USP29: variants seen among roughly 807,000 people sequenced by gnomAD.
The protein encoded by USP29 is ubiquitin specific peptidase 29.
For synonymous variants in USP29, 386 were observed against 387.4 expected (o/e 1.00, Z 0.04); for missense variants, 1,102 against 1,069.0 (o/e 1.03, Z -0.43).
chr19:57,123,861 A>G (rs2086809895), intron 2 of USP29, among the ~76,000 whole-genome samples, 178 bp from the exon 3 acceptor site: 1 of 152,218 alleles, frequency 6.6e-6, no homozygotes, highest in Admixed American at 6.5e-5. Flanking sequence ...AGATAATCCC[A>G]TTAACACAGG....
intron 3 of USP29, among the ~76,000 whole-genome samples, chr19:57,125,845 G>A (rs553030740): frequency 7.2e-5 from 11 of 152,222 alleles, no homozygotes; most frequent in Non-Finnish European, 1.2e-4. Flanking sequence ...AGTTGATGCA[G>A]TTTCTTCTGT....
rs757418107 is a variant in USP29, at chr19:57,128,807, T to C, written c.132T>C (p.Ser44=). 6.2e-6 allele frequency: 10 copies of C among 1,614,068 alleles called. No individual in the cohort carries two copies. ...KEIKLVVTFK[S]GKFIRIFQLS... ...TTAAACTGGTGGTCACTTTCAAATCTGGAAAATTTATAAGAATTTTTCAGC... is the reference window on the plus strand; with the variant it reads ...TTAAACTGGTGGTCACTTTCAAATCCGGAAAATTTATAAGAATTTTTCAGC... The change falls in exon 4 of 4, where the codon TCT becomes TCC. Residue 44 remains serine, a synonymous_variant. Transcript: ENST00000254181.
rs758363351 is a variant in USP29 at position 57,128,915 on chromosome 19, G to A, written c.240G>A (p.Val80=). ...TGCGTTTAACTTTGAAAAACAACGT[G>A]TTCTTGTTTATTGACAAATTATCCT... ...SHLRLTLKNN[V]FLFIDKLSYR... is the part of the protein sequence containing the mutation. The change falls in exon 4 of 4, where the codon GTG becomes GTA. Residue 80 remains valine, a synonymous_variant. Coordinates refer to ENST00000254181, the MANE Select transcript of USP29 (RefSeq NM_020903.3). The A allele has an allele frequency of 1.4e-5, 22 of 1,613,698 alleles. No individual in the cohort carries two copies. The highest frequency in any genetic ancestry group is 6.6e-5 in the South Asian group (6 of 91,006).
At position 57,130,754 on chromosome 19, in the gene USP29, G is replaced by C. The variant is rs757103819; in HGVS notation, c.2079G>C (p.Lys693Asn). 3.7e-6 allele frequency: 6 copies of C among 1,614,158 alleles called. No individual in the cohort carries two copies. Among genetic ancestry groups the C allele is most frequent in the Admixed American group, 3.3e-5 (2 of 60,022 alleles). ...QEVPQHPELQ[K>N]YEKTNTFVEF... The stretch of plus-strand genomic sequence containing the variant: ...TGCCTCAACATCCAGAACTTCAGAA[G>C]TATGAGAAAACCAATACATTCGTAG... The change falls in exon 4 of 4, where the codon AAG (lysine) becomes AAC (asparagine). Residue 693 changes from lysine (K) to asparagine (N), a missense_variant. Transcript: ENST00000254181.
At chr19:57,119,486 C>T (rs1045538962), upstream of USP29, among the ~76,000 whole-genome samples, 1 of 152,102 alleles carries the variant, frequency 6.6e-6, no homozygotes, top group African/African-American at 2.4e-5. Flanking sequence ...GTAGTGGCGC[C>T]ATCTCCGCTC....
intron 3 of USP29, among the ~76,000 whole-genome samples, chr19:57,124,467 G>GT (rs34399911): frequency 1.4e-3 from 201 of 145,538 alleles, no homozygotes; most frequent in East Asian, 9.1e-3. Flanking sequence ...TTTTTGTGGG[G>GT]TTTTTTTTTT....
In USP29 at chr19:57,128,682, T is replaced by A. The variant is rs771763319; in HGVS notation, c.7T>A (p.Ser3Thr). The A allele has an allele frequency of 1.3e-6, 2 of 1,559,798 alleles. No homozygotes were observed. Among genetic ancestry groups the A allele is most frequent in the South Asian group, 2.5e-5 (2 of 80,838 alleles). MI[S>T]LKVCGFIQIW... ...TAGGTTACATAAAGAAAGGATGATA[T>A]CTCTAAAGGTATGTGGATTCATCCA... is the stretch of plus-strand genomic sequence containing the variant. The change falls in exon 4 of 4, where the codon TCT becomes ACT. Residue 3 changes from serine (S) to threonine (T), a missense_variant. Physicochemically the swap from Ser to Thr is moderately conservative, Grantham distance 58. Coordinates refer to ENST00000254181, the MANE Select transcript of USP29 (RefSeq NM_020903.3).
rs769071332 is a variant in USP29 at position 57,129,092 on chromosome 19, C to A, written c.417C>A (p.Asn139Lys). 1 of 1,612,394 alleles carries A rather than the reference C, an allele frequency of 6.2e-7. No individual in the cohort carries two copies. The highest frequency in any genetic ancestry group is 1.1e-5 in the South Asian group (1 of 90,668). The change falls in exon 4 of 4, where the codon AAC becomes AAA. Residue 139 changes from asparagine to lysine, a missense_variant. By Grantham distance (94) the Asn-to-Lys change is moderately conservative (BLOSUM62 0). Coordinates refer to ENST00000254181, the MANE Select transcript of USP29 (RefSeq NM_020903.3). ...IDKTSFYSIC[N>K]KPSYQKMPLF... ...AAACTTCATTTTACAGCATTTGTAA[C>A]AAGCCAAGTTATCAGAAGATGCCTT...
rs529742780 is a variant in USP29 at position 57,121,331 on chromosome 19, AT to A, written c.-267-992del. ...ACTTATATATGTTATGTACTTATAT[AT>A]TATATATACTTATATATGTTATATC... On this transcript the variant is annotated intron_variant, in intron 1 of 3. Coordinates refer to ENST00000254181, the MANE Select transcript of USP29 (RefSeq NM_020903.3). Among the ~76,000 whole-genome samples, 316 of 123,864 alleles carry A rather than the reference AT, an allele frequency of 2.6e-3. 3 individuals are homozygous for A. The highest frequency in any genetic ancestry group is 8.9e-3 in the African/African-American group (294 of 32,888). The allele number at this position is 123,864 out of a possible 152,430, so 81.3% of individuals were successfully genotyped here. A position where few individuals can be genotyped will look rare whatever the true frequency, so the allele number is the denominator to read the frequency against.
Position 57,131,634 on chromosome 19 carries a change from T to C in USP29, c.*190T>C. 1 of 855,386 alleles carries C rather than the reference T, an allele frequency of 1.2e-6. No homozygotes were observed. The highest frequency in any genetic ancestry group is 1.7e-6 in the Non-Finnish European group (1 of 576,748). 53.0% of individuals were successfully genotyped at this position (855,386 alleles called of 1,614,324 possible). Reference sequence around the variant, plus strand: ...ACCTAGATCCCAGAACTCAGGCGCATATGCATATTTTCCCTGCAAGATTAG... The same window carrying C: ...ACCTAGATCCCAGAACTCAGGCGCACATGCATATTTTCCCTGCAAGATTAG... On this transcript the variant is annotated 3_prime_UTR_variant, in exon 4 of 4. Transcript: ENST00000254181.
rs752556174 is a variant in USP29 at position 57,130,193 on chromosome 19, C to T, written c.1518C>T (p.Val506=). ...ARHTFSRLSR[V]LIIHLKRYSF... Reference sequence around the variant, plus strand: ...ATACATTTAGTAGGCTCTCCAGGGTCCTTATCATTCATCTGAAACGCTATA... The same window carrying T: ...ATACATTTAGTAGGCTCTCCAGGGTTCTTATCATTCATCTGAAACGCTATA... The change falls in exon 4 of 4, where the codon GTC becomes GTT. Residue 506 remains valine (V), a synonymous_variant. Coordinates refer to ENST00000254181, the MANE Select transcript of USP29 (RefSeq NM_020903.3). The T allele has an allele frequency of 6.2e-7, 1 of 1,614,012 alleles. No homozygotes were observed. Among genetic ancestry groups the T allele is most frequent in the East Asian group, 2.2e-5 (1 of 44,882 alleles).
rs144679292 is a variant in USP29, at chr19:57,131,026, T to C, written c.2351T>C (p.Leu784Pro). The change falls in exon 4 of 4, where the codon CTT becomes CCT. Residue 784 changes from leucine to proline, a missense_variant. Coordinates refer to ENST00000254181, the MANE Select transcript of USP29 (RefSeq NM_020903.3). ...LRLQKADLNH[L>P]GALGSDNPGN... The stretch of plus-strand genomic sequence containing the variant: ...CTTCAAAAGGCTGACCTGAATCACC[T>C]TGGGGCACTGGGTTCTGACAACCCA... 1.7e-3 allele frequency: 2,809 copies of C among 1,614,148 alleles called. 9 individuals carry two copies. Among genetic ancestry groups the C allele is most frequent in the Non-Finnish European group, 2.0e-3 (2,384 of 1,180,024 alleles).
chr19:57,128,347 C>A (rs1166403548), intron 3 of USP29, among the ~76,000 whole-genome samples: 3 of 152,186 alleles, frequency 2.0e-5, no homozygotes, highest in Non-Finnish European at 2.9e-5. Context: ...GCTAAGATTA[C>A]AGGCGTGAGC....
intron 3 of USP29, 71 bp from the exon 4 acceptor site, chr19:57,128,589 A>G: frequency 1.4e-6 from 2 of 1,387,622 alleles, no homozygotes; most frequent in East Asian, 2.4e-5. Flanking sequence ...TTATATGTGG[A>G]TGAGGTTTTT....
intron 3 of USP29, among the ~76,000 whole-genome samples, chr19:57,128,296 C>T (rs1033108866): frequency 4.6e-5 from 7 of 152,182 alleles, no homozygotes; most frequent in African/African-American, 1.7e-4. Context: ...TGGTTTTGAA[C>T]TCCTGGGCTC....
chr19:57,130,658 G>T lies in USP29; in HGVS notation c.1983G>T (p.Val661=). The change falls in exon 4 of 4, where the codon GTG becomes GTT. Residue 661 remains valine (V), a synonymous_variant. Coordinates refer to ENST00000254181, the MANE Select transcript of USP29 (RefSeq NM_020903.3). The part of the protein sequence containing the change: ...LMDQGDISLP[V]MYEDGGKLIS... ...ACCAGGGAGACATTTCTCTTCCTGT[G>T]ATGTATGAAGATGGAGGGAAGCTGA... The T allele has an allele frequency of 1.9e-6, 3 of 1,614,158 alleles. No homozygotes were observed. The highest frequency in any genetic ancestry group is 2.5e-6 in the Non-Finnish European group (3 of 1,180,030).
At position 57,130,835 on chromosome 19, in the gene USP29, A is replaced by C. The variant is rs935457452; in HGVS notation, c.2160A>C (p.Glu720Asp). ...ESTNGFYDCK[E>D]NRIPEGSQGM... ...CCAATGGCTTTTATGACTGTAAAGA[A>C]AACAGGATTCCAGAAGGATCTCAAG... The change falls in exon 4 of 4, where the codon GAA becomes GAC. Residue 720 changes from glutamate to aspartate, a missense_variant. Glu to Asp is a conservative substitution (Grantham distance 45). Transcript: ENST00000254181. 2.4e-5 allele frequency: 39 copies of C among 1,614,108 alleles called. No homozygotes were observed. Among genetic ancestry groups the C allele is most frequent in the Non-Finnish European group, 3.2e-5 (38 of 1,180,060 alleles).
Position 57,129,297 on chromosome 19 carries a change from A to G in USP29, c.622A>G (p.Lys208Glu). Residue 208 changes from lysine (K) to glutamate (E), a missense_variant, in exon 4 of 4, where the codon AAG becomes GAG. Lys to Glu is a moderately conservative substitution (Grantham distance 56). Transcript: ENST00000254181. Reference sequence around the variant, plus strand: ...CTTGAAATATATACAAAGCAATAGGAAGAACCCATCAAGTTTAGAGGATTT... The same window carrying G: ...CTTGAAATATATACAAAGCAATAGGGAGAACCCATCAAGTTTAGAGGATTT... ...DSLKYIQSNR[K>E]NPSSLEDLEK... is the part of the protein sequence containing the mutation. 1.9e-6 allele frequency: 3 copies of G among 1,614,204 alleles called. No individual in the cohort carries two copies. The highest frequency in any genetic ancestry group is 2.5e-6 in the Non-Finnish European group (3 of 1,180,044).
At chr19:57,123,562 G>A (rs1364406702) in intron 2 of USP29, among the ~76,000 whole-genome samples, 2 of 152,104 alleles carry the variant, frequency 1.3e-5, no homozygotes, top group Admixed American at 6.6e-5. Flanking sequence ...GGTGAAGCCG[G>A]GCTTGGAATC....
Sources: gnomAD v4.1 joint callset for allele counts (sites outside exome capture counted in the v4.1 genomes callset) on GRCh38, gnomAD v4.1.1 for gene constraint, MANE v1.5 for transcripts, NCBI Gene and HGNC (gene_info 2026-07-23, HGNC 2026-07-21) for gene names.